Variants in CNTNAP2 observed in about 807,000 individuals in gnomAD.
The protein encoded by CNTNAP2 is contactin-associated protein-like 2.
CNTNAP2 carries 98 observed loss-of-function variants against 155.2 expected under a neutral mutation model. That is an observed-to-expected ratio of 0.63 (90% CI 0.54 to 0.75). The LOEUF (loss-of-function observed/expected upper bound fraction) is 0.75. Ranked by LOEUF, CNTNAP2 falls within the 30% of genes least tolerant of loss-of-function variation. The probability of loss-of-function intolerance (pLI) is 0.00; values close to 1 mark genes in which losing one functional copy is unlikely to be tolerated. For synonymous variants in CNTNAP2, 651 were observed against 631.2 expected (o/e 1.03, Z -0.47); for missense variants, 1,727 against 1,688.1 (o/e 1.02, Z -0.40).
At chr7:148,311,834 A>C (rs1346832074) in intron 21 of CNTNAP2, among the ~76,000 whole-genome samples, 2 of 152,134 alleles carry the variant, frequency 1.3e-5, no homozygotes, top group African/African-American at 4.8e-5. Flanking sequence ...AACAGGAAAG[A>C]AGGAAATACG....
chr7:146,825,979 A>C (rs958800469), intron 2 of CNTNAP2, among the ~76,000 whole-genome samples: 4 of 152,106 alleles, frequency 2.6e-5, no homozygotes, highest in African/African-American at 9.7e-5. Context: ...CTGTTTAATA[A>C]TAGATTTTGT....
At chr7:147,369,735 A>G (rs1414570809) in intron 9 of CNTNAP2, among the ~76,000 whole-genome samples, 2 of 152,212 alleles carry the variant, frequency 1.3e-5, no homozygotes, top group South Asian at 4.1e-4. Context: ...CTTAAGGGTC[A>G]TAGTTTGCCC....
intron 21 of CNTNAP2, among the ~76,000 whole-genome samples, chr7:148,286,907 G>A (rs555431473): frequency 7.2e-5 from 11 of 151,982 alleles, no homozygotes; most frequent in African/African-American, 9.7e-5. Context: ...ATCTTTCTAC[G>A]TCATGTTTTT....
chr7:146,689,207 T>C (rs1418382436), intron 1 of CNTNAP2, among the ~76,000 whole-genome samples: 1 of 152,072 alleles, frequency 6.6e-6, no homozygotes, highest in Non-Finnish European at 1.5e-5. Context: ...AATTACTCCA[T>C]TTGGCTAATC....
At chr7:148,202,259 AC>A (rs1260669873) in intron 18 of CNTNAP2, among the ~76,000 whole-genome samples, 1 of 152,160 alleles carries the variant, frequency 6.6e-6, no homozygotes, top group Non-Finnish European at 1.5e-5. Context: ...CACGCACATC[AC>A]TAAGCAACAG....
At chr7:148,174,208 T>G (rs1227265536) in intron 18 of CNTNAP2, among the ~76,000 whole-genome samples, 1 of 152,244 alleles carries the variant, frequency 6.6e-6, no homozygotes. Flanking sequence ...TTGGAAATCA[T>G]TTATGAGCAT....
intron 11 of CNTNAP2, among the ~76,000 whole-genome samples, chr7:147,548,345 T>C (rs1327213529): frequency 6.6e-6 from 1 of 152,254 alleles, no homozygotes; most frequent in Non-Finnish European, 1.5e-5. Context: ...TTTGCATTTC[T>C]CTGACGATCA....
At chr7:147,227,612 CAT>C (rs1271949220) in intron 8 of CNTNAP2, among the ~76,000 whole-genome samples, 2 of 152,064 alleles carry the variant, frequency 1.3e-5, no homozygotes, top group Non-Finnish European at 2.9e-5. Context: ...TCATGGAGGA[CAT>C]AGAGGTTTTT....
intron 14 of CNTNAP2, among the ~76,000 whole-genome samples, chr7:147,930,269 G>T (rs1206820944): frequency 6.6e-6 from 1 of 152,034 alleles, no homozygotes; most frequent in Non-Finnish European, 1.5e-5. Context: ...CCAATCAAAA[G>T]ACAGAGTGAC....
chr7:148,225,903 C>G (rs1444312721), intron 19 of CNTNAP2, among the ~76,000 whole-genome samples: 1 of 152,144 alleles, frequency 6.6e-6, no homozygotes, highest in Admixed American at 6.5e-5. Context: ...ATGTGGAAAA[C>G]TGCAATGGAA....
intron 1 of CNTNAP2, among the ~76,000 whole-genome samples, chr7:146,395,534 C>T (rs907262794): frequency 6.6e-6 from 1 of 152,058 alleles, no homozygotes; most frequent in Non-Finnish European, 1.5e-5. Flanking sequence ...GAAATAGGCA[C>T]TAAATAGTTC....
At chr7:146,690,129 A>G (rs916425562) in intron 1 of CNTNAP2, among the ~76,000 whole-genome samples, 4 of 152,030 alleles carry the variant, frequency 2.6e-5, no homozygotes, top group East Asian at 1.9e-4. Context: ...TGTGATTCCT[A>G]TCTGCAAGAA....
At chr7:146,473,020 A>G (rs1438420424) in intron 1 of CNTNAP2, among the ~76,000 whole-genome samples, 1 of 151,468 alleles carries the variant, frequency 6.6e-6, no homozygotes, top group Non-Finnish European at 1.5e-5. Flanking sequence ...GGGAAGAATT[A>G]TATTTATATT....
intron 21 of CNTNAP2, among the ~76,000 whole-genome samples, chr7:148,362,079 C>T (rs114254957): frequency 0.037 from 5,570 of 152,068 alleles, 271 homozygotes; most frequent in African/African-American, 0.12. Context: ...CATGGTAGTG[C>T]GTGCCTGTAG....
rs942949949 is a variant in CNTNAP2 at position 146,968,166 on chromosome 7, G to A, written c.403-75741G>A. The stretch of plus-strand genomic sequence containing the variant: ...TGCATCCCAGGGATGAAGCCCACTT[G>A]ATCATGGTGGATAAGCTTTTTGATG... On this transcript the variant is annotated intron_variant, in intron 3 of 23. Transcript: ENST00000361727. Among the ~76,000 whole-genome samples, 159 of 151,528 alleles carry A rather than the reference G, an allele frequency of 1.0e-3. 1 individual carries two copies. Among genetic ancestry groups the A allele is most frequent in the African/African-American group, 3.6e-3 (148 of 41,374 alleles).
intron 22 of CNTNAP2, among the ~76,000 whole-genome samples, chr7:148,394,693 C>A (rs1441428411): frequency 1.3e-5 from 2 of 152,174 alleles, no homozygotes; most frequent in Non-Finnish European, 2.9e-5. Flanking sequence ...TTAGAATCAC[C>A]TGGGGGAAAT....
intron 13 of CNTNAP2, among the ~76,000 whole-genome samples, chr7:147,782,086 G>A (rs1350441024): frequency 6.6e-6 from 1 of 151,808 alleles, no homozygotes; most frequent in Non-Finnish European, 1.5e-5. Flanking sequence ...CTCTAAAGGG[G>A]GCCAGGATGT....
intron 13 of CNTNAP2, among the ~76,000 whole-genome samples, chr7:147,775,578 TGGGG>T (rs751736038): frequency 0.013 from 1,960 of 150,978 alleles, 102 homozygotes; most frequent in Admixed American, 0.088. Flanking sequence ...AATTTTATTG[TGGGG>T]ATCAGAAAAG....
chr7:146,207,637 GTTTT>G (rs57881187), intron 1 of CNTNAP2, among the ~76,000 whole-genome samples: 3 of 122,358 alleles, frequency 2.5e-5, no homozygotes, highest in Non-Finnish European at 3.4e-5. Flanking sequence ...ACAGGACTGT[GTTTT>G]TTTTTTTTTT....
Sources: gnomAD v4.1 joint callset for allele counts (sites outside exome capture counted in the v4.1 genomes callset) on GRCh38, gnomAD v4.1.1 for gene constraint, MANE v1.5 for transcripts, NCBI Gene and HGNC (gene_info 2026-07-23, HGNC 2026-07-21) for gene names.